Variants in CAMK2D observed in about 807,000 individuals in gnomAD.
The protein encoded by CAMK2D is calcium/calmodulin dependent protein kinase II delta, also known as calcium/calmodulin-dependent protein kinase type II subunit delta.
Under a neutral mutation model 84.0 loss-of-function variants are expected in CAMK2D, and 37 were observed. The observed-to-expected ratio is 0.44, with a 90% CI of 0.34 to 0.58. CAMK2D has a LOEUF of 0.58. CAMK2D is among the 20% of genes least tolerant of loss of function. The probability of loss-of-function intolerance (pLI) is 0.02; values close to 1 mark genes in which losing one functional copy is unlikely to be tolerated. For missense variants in CAMK2D, 448 were observed against 652.5 expected, an observed-to-expected ratio of 0.69 and a Z score of 3.41; for synonymous variants, 202 against 212.5, an observed-to-expected ratio of 0.95 and a Z score of 0.43.
intron 5 of CAMK2D, chr4:113,548,822 A>C: frequency 1.7e-6 from 1 of 602,042 alleles, no homozygotes; most frequent in Non-Finnish European, 3.0e-6. Context: ...CCAATGAAAC[A>C]AACAAACAAA....
Position 113,501,537 on chromosome 4 carries a change from G to A in CAMK2D, c.1087-1026C>T, listed in dbSNP as rs576966788. ...TTTTAGAGATTCAGTATTCAAAAAA[G>A]TGATCAATTTATATAAATATCATAT... On this transcript the variant is annotated intron_variant, in intron 15 of 20. Coordinates refer to ENST00000511664, the MANE Select transcript of CAMK2D (RefSeq NM_001321571.2). 3.6e-4 allele frequency among the ~76,000 whole-genome samples: 54 copies of A among 152,064 alleles called. 2 individuals are homozygous for A. The South Asian group carries it at 0.011, about 32-fold the overall frequency.
chr4:113,582,940 A>G (rs2098817326), intron 4 of CAMK2D, among the ~76,000 whole-genome samples: 1 of 152,244 alleles, frequency 6.6e-6, no homozygotes, highest in Non-Finnish European at 1.5e-5. Context: ...ACCGTCACAC[A>G]CCAAATCGGA....
chr4:113,589,286 T>C (rs2098848128), intron 4 of CAMK2D, among the ~76,000 whole-genome samples: 1 of 152,106 alleles, frequency 6.6e-6, no homozygotes. Context: ...TGGGACACTT[T>C]TACAGTGATC....
intron 16 of CAMK2D, among the ~76,000 whole-genome samples, chr4:113,475,882 A>G (rs1255258443): frequency 6.6e-6 from 1 of 152,226 alleles, no homozygotes; most frequent in Non-Finnish European, 1.5e-5. Context: ...ATAAAAGATA[A>G]TCTGCAAGGG....
At chr4:113,611,214 T>C (rs1174125313) in intron 3 of CAMK2D, among the ~76,000 whole-genome samples, 4 of 152,152 alleles carry the variant, frequency 2.6e-5, no homozygotes, top group Non-Finnish European at 5.9e-5. Flanking sequence ...CTGAAGAATA[T>C]AAAGAGTTTG....
chr4:113,458,360 C>G (rs916046928), intron 18 of CAMK2D, among the ~76,000 whole-genome samples: 1 of 152,160 alleles, frequency 6.6e-6, no homozygotes, highest in African/African-American at 2.4e-5. Flanking sequence ...CTGTTTCTTT[C>G]TTAGATCACT....
At chr4:113,745,223 T>C (rs914748335) in intron 2 of CAMK2D, among the ~76,000 whole-genome samples, 3 of 152,196 alleles carry the variant, frequency 2.0e-5, no homozygotes, top group African/African-American at 7.2e-5. Context: ...ATTTCCCAGA[T>C]TGTCTATCCT....
intron 2 of CAMK2D, among the ~76,000 whole-genome samples, chr4:113,723,013 A>G (rs1463219173): frequency 6.6e-6 from 1 of 152,144 alleles, no homozygotes; most frequent in Non-Finnish European, 1.5e-5. Context: ...GTAATTTATT[A>G]TCTCTGAGCT....
At chr4:113,514,573 C>G (rs2154167250) in intron 10 of CAMK2D, among the ~76,000 whole-genome samples, 1 of 152,262 alleles carries the variant, frequency 6.6e-6, no homozygotes, top group African/African-American at 2.4e-5. Flanking sequence ...TGGAAATTTA[C>G]TGAAGTCTCC....
chr4:113,582,637 T>C (rs868416807), intron 4 of CAMK2D, among the ~76,000 whole-genome samples: 2 of 152,230 alleles, frequency 1.3e-5, no homozygotes, highest in Admixed American at 1.3e-4. Flanking sequence ...AAACATTATA[T>C]ATATTGATAC....
chr4:113,513,143 G>A (rs1335037427), intron 12 of CAMK2D, 185 bp downstream of exon 12: 1 of 984,080 alleles, frequency 1.0e-6, no homozygotes, highest in Non-Finnish European at 1.2e-6. Context: ...CTCGGCAGCA[G>A]ACAGCACCCA....
intron 2 of CAMK2D, among the ~76,000 whole-genome samples, chr4:113,690,201 T>C (rs750645302): frequency 1.8e-4 from 28 of 152,184 alleles, no homozygotes; most frequent in Non-Finnish European, 3.7e-4. Flanking sequence ...CAATTTAACA[T>C]GATTTATAAT....
chr4:113,577,455 C>A (rs558795452), intron 4 of CAMK2D, among the ~76,000 whole-genome samples: 5 of 152,284 alleles, frequency 3.3e-5, no homozygotes, highest in Admixed American at 6.5e-5. Context: ...ACTCTCCATT[C>A]TCCCCCTCCT....
At chr4:113,631,252 C>T (rs1480555647) in intron 3 of CAMK2D, among the ~76,000 whole-genome samples, 1 of 152,142 alleles carries the variant, frequency 6.6e-6, no homozygotes, top group Non-Finnish European at 1.5e-5. Context: ...GTGGCTCATG[C>T]TTGTAATCCT....
At chr4:113,470,321 A>C (rs982416838) in intron 16 of CAMK2D, among the ~76,000 whole-genome samples, 6 of 152,036 alleles carry the variant, frequency 3.9e-5, no homozygotes, top group Non-Finnish European at 5.9e-5. Context: ...TTCTTTTATC[A>C]GATCTCAATT....
chr4:113,727,968 A>ATGGT (rs1404317770), intron 2 of CAMK2D, among the ~76,000 whole-genome samples: 3 of 152,182 alleles, frequency 2.0e-5, no homozygotes, highest in Admixed American at 6.5e-5. Flanking sequence ...CTGAGATACC[A>ATGGT]GTTCACACCC....
intron 16 of CAMK2D, among the ~76,000 whole-genome samples, chr4:113,488,103 A>G (rs952427080): frequency 6.6e-6 from 1 of 152,036 alleles, no homozygotes; most frequent in Non-Finnish European, 1.5e-5. Flanking sequence ...AAAAATAAAG[A>G]AGATAGAAGG....
intron 4 of CAMK2D, among the ~76,000 whole-genome samples, chr4:113,604,305 T>C (rs73841787): frequency 0.037 from 5,629 of 152,304 alleles, 360 homozygotes; most frequent in African/African-American, 0.13. Context: ...TTTCTAAAGC[T>C]GCTTACTTTT....
At chr4:113,711,992 G>A (rs139933079) in intron 2 of CAMK2D, among the ~76,000 whole-genome samples, 20 of 152,226 alleles carry the variant, frequency 1.3e-4, no homozygotes, top group Non-Finnish European at 2.6e-4. Flanking sequence ...TGGGAGGTCT[G>A]GTGAAGGCCC....
Sources: allele counts gnomAD v4.1 joint callset (sites outside exome capture counted in the v4.1 genomes callset), GRCh38; gene constraint gnomAD v4.1.1; transcripts MANE v1.5; gene names NCBI Gene and HGNC (gene_info 2026-07-23, HGNC 2026-07-21).